Variants in QTGAL observed in about 807,000 individuals in gnomAD.
The protein encoded by QTGAL is queuosine-tRNA galactosyltransferase.
At chr17:83,005,632 C>T in the QTGAL span, 18 of 702,898 alleles carry the variant, frequency 2.6e-5, no homozygotes, top group African/African-American at 1.9e-4. The surrounding 1 kb of genome is among the most constrained non-coding windows in gnomAD (Gnocchi z 5.6). Flanking sequence ...GCAGGCCGCC[C>T]GTCTGAACCT....
the QTGAL span, among the ~76,000 whole-genome samples, chr17:83,000,042 A>G: frequency 6.6e-6 from 1 of 152,130 alleles, no homozygotes; most frequent in Non-Finnish European, 1.5e-5. Flanking sequence ...AGCTCACTGC[A>G]ACCTCTGCCA....
the QTGAL span, among the ~76,000 whole-genome samples, chr17:82,954,379 G>A: frequency 6.6e-6 from 1 of 151,940 alleles, no homozygotes; most frequent in South Asian, 2.1e-4. Context: ...AACCATGAGT[G>A]AACTCTCACA....
chr17:82,973,430 T>C, the QTGAL span, among the ~76,000 whole-genome samples: 4 of 152,190 alleles, frequency 2.6e-5, no homozygotes, highest in Non-Finnish European at 5.9e-5. Context: ...CAGTCTTTCA[T>C]ATAGACCAGG....
the QTGAL span, among the ~76,000 whole-genome samples, chr17:82,999,578 T>C: frequency 6.6e-6 from 1 of 152,228 alleles, no homozygotes; most frequent in Non-Finnish European, 1.5e-5. Context: ...ATTTTGTATG[T>C]TATATGTACT....
At chr17:82,954,569 T>C in the QTGAL span, among the ~76,000 whole-genome samples, 1 of 152,084 alleles carries the variant, frequency 6.6e-6, no homozygotes, top group African/African-American at 2.4e-5. Context: ...AAATAATTTA[T>C]AGATTCAATC....
the QTGAL span, among the ~76,000 whole-genome samples, chr17:82,968,965 C>T: frequency 6.6e-6 from 1 of 152,022 alleles, no homozygotes; most frequent in Admixed American, 6.5e-5. Flanking sequence ...GAAACCCCAT[C>T]TCTACTGAAA....
At chr17:82,960,907 T>G in the QTGAL span, 5 of 1,249,294 alleles carry the variant, frequency 4.0e-6, no homozygotes, top group Non-Finnish European at 5.4e-6. Context: ...CGGGATGTGC[T>G]GTTGCCCCGT....
chr17:83,005,224 C>G, the QTGAL span: 2 of 1,594,278 alleles, frequency 1.3e-6, no homozygotes, highest in African/African-American at 1.3e-5. The surrounding 1 kb of genome is among the most constrained non-coding windows in gnomAD (Gnocchi z 5.6). Context: ...TGAAAAACAA[C>G]GGCAGACAGA....
At chr17:83,004,847 C>T in the QTGAL span, among the ~76,000 whole-genome samples, 2 of 152,244 alleles carry the variant, frequency 1.3e-5, no homozygotes, top group African/African-American at 4.8e-5. Flanking sequence ...CTCCCGCCCT[C>T]CGCGTGTAAG....
chr17:83,025,115 GAGTCCACACACACATAGAAACTGTGA>G, the QTGAL span, among the ~76,000 whole-genome samples: 2 of 152,014 alleles, frequency 1.3e-5, no homozygotes, highest in Non-Finnish European at 2.9e-5. Flanking sequence ...AGAAACCATG[GAGTCCACACACACATAGAAACTGTGA>G]AGTCCACACA....
the QTGAL span, among the ~76,000 whole-genome samples, chr17:82,994,543 C>A: frequency 6.6e-6 from 1 of 152,014 alleles, no homozygotes; most frequent in Non-Finnish European, 1.5e-5. Context: ...GTAACAGGGT[C>A]AAAGTCATAA....
At chr17:83,038,087 G>A in the QTGAL span, among the ~76,000 whole-genome samples, 3 of 152,168 alleles carry the variant, frequency 2.0e-5, no homozygotes, top group Middle Eastern at 3.2e-3. Flanking sequence ...TGCATGAATC[G>A]TAATAAGTGA....
chr17:83,005,715 C>A, the QTGAL span: 1 of 724,924 alleles, frequency 1.4e-6, no homozygotes, highest in Non-Finnish European at 2.4e-6. The surrounding 1 kb of genome is among the most constrained non-coding windows in gnomAD (Gnocchi z 5.6). Flanking sequence ...TCCTCCAGGG[C>A]CGACAACCCT....
At chr17:83,037,638 C>T in the QTGAL span, among the ~76,000 whole-genome samples, 1 of 152,218 alleles carries the variant, frequency 6.6e-6, no homozygotes, top group Non-Finnish European at 1.5e-5. The surrounding 1 kb of genome is among the most constrained non-coding windows in gnomAD (Gnocchi z 5.2). Context: ...TCACGAGAAA[C>T]ACAGGCGGAG....
At chr17:82,978,160 C>T in the QTGAL span, among the ~76,000 whole-genome samples, 1 of 152,102 alleles carries the variant, frequency 6.6e-6, no homozygotes, top group Non-Finnish European at 1.5e-5. The surrounding 1 kb of genome is among the most constrained non-coding windows in gnomAD (Gnocchi z 4.8). Flanking sequence ...CCACGCGTGG[C>T]CTTTCCTTTC....
At chr17:83,004,872 C>T in the QTGAL span, among the ~76,000 whole-genome samples, 7 of 152,128 alleles carry the variant, frequency 4.6e-5, no homozygotes, top group East Asian at 1.9e-4. Context: ...CCTGTGCGGT[C>T]GGGTTTCCCA....
the QTGAL span, among the ~76,000 whole-genome samples, chr17:83,025,638 G>A: frequency 7.3e-6 from 1 of 137,662 alleles, no homozygotes; most frequent in African/African-American, 2.8e-5. Context: ...TCCACACACG[G>A]ACACCGCGGA....
the QTGAL span, chr17:82,957,119 C>T: frequency 1.9e-6 from 3 of 1,599,168 alleles, no homozygotes; most frequent in Admixed American, 1.7e-5. Context: ...CTCGGAGCAG[C>T]TGTCCCTCAG....
chr17:82,985,060 G>C, the QTGAL span, among the ~76,000 whole-genome samples: 1 of 152,230 alleles, frequency 6.6e-6, no homozygotes, highest in African/African-American at 2.4e-5. Flanking sequence ...CAGCCCCCTG[G>C]GGAAGGGACA....
Sources: gnomAD v4.1 joint callset for allele counts (sites outside exome capture counted in the v4.1 genomes callset) on GRCh38, gnomAD v4.1.1 for gene constraint, Gnocchi (gnomAD v3.1) non-coding constraint, MANE v1.5 for transcripts, NCBI Gene and HGNC (gene_info 2026-07-23, HGNC 2026-07-21) for gene names.